ZNF462: variants seen among roughly 807,000 people sequenced by gnomAD.
ZNF462 encodes zinc finger protein 462, also known as zinc finger PBX1-interacting protein.
ZNF462 carries 10 observed loss-of-function variants against 201.9 expected under a neutral mutation model. The observed-to-expected ratio is 0.05, with a 90% CI of 0.03 to 0.08. ZNF462 has a LOEUF of 0.08. Among genes scored for constraint, ZNF462 ranks in the 10% least tolerant of loss-of-function variants. ZNF462 has a pLI of 1.00. For missense variants in ZNF462, 2,523 were observed against 3,168.3 expected, an observed-to-expected ratio of 0.80 and a Z score of 4.89; for synonymous variants, 1,227 against 1,193.3, an observed-to-expected ratio of 1.03 and a Z score of -0.58.
Position 106,892,919 on chromosome 9 carries a change from ACAGT to A in ZNF462, c.-31+29568_-31+29571del, listed in dbSNP as rs1828651525. 5.9e-5 allele frequency among the ~76,000 whole-genome samples: 9 copies of A among 152,270 alleles called. 1 individual carries two copies. The South Asian group carries it at 1.9e-3, about 32-fold the overall frequency. The stretch of plus-strand genomic sequence containing the variant: ...TTTGCCTCATCCCATTCCTGCTCTC[ACAGT>A]CAGAGGTCTGGATCTCCAGTTACTG... On this transcript the variant is annotated intron_variant, in intron 1 of 12. Transcript: ENST00000277225.
Position 106,927,469 on chromosome 9 carries a change from C to T in ZNF462, c.3557C>T (p.Pro1186Leu), listed in dbSNP as rs1183934189. The change falls in exon 3 of 13, where the codon CCT (proline) becomes CTT (leucine). Residue 1186 changes from proline to leucine, a missense_variant. Around this residue, in one of 15 missense-constraint regions of ZNF462, gnomAD observed 222 missense variants for 271.6 expected, o/e 0.82. Transcript: ENST00000277225. Reference protein sequence around the residue: ...LNRSSSERDGPPVENEMFFCQ... With the variant: ...LNRSSSERDGLPVENEMFFCQ... ...CGAAGCAGCTCTGAGAGAGATGGCC[C>T]TCCTGTGGAGAATGAGATGTTCTTT... is the stretch of plus-strand genomic sequence containing the variant. The T allele has an allele frequency of 5.6e-6, 9 of 1,614,000 alleles. No homozygotes were observed. Among genetic ancestry groups the T allele is most frequent in the South Asian group, 2.2e-5 (2 of 91,044 alleles).
upstream of ZNF462, chr9:106,863,147 G>C: frequency 2.5e-6 from 1 of 399,012 alleles, no homozygotes; most frequent in Non-Finnish European, 4.4e-6. Context: ...GGATATCTCA[G>C]GTCATCTGCA....
chr9:106,860,970 C>A (rs553844648), upstream of ZNF462, among the ~76,000 whole-genome samples: 7 of 152,096 alleles, frequency 4.6e-5, no homozygotes, highest in African/African-American at 1.7e-4. The surrounding 1 kb of genome is among the most constrained non-coding windows in gnomAD (Gnocchi z 7.1). Context: ...GACTCCCGTT[C>A]CCCTTTCGCC....
In ZNF462 at chr9:106,883,317, C is replaced by A. The variant is rs1020901384; in HGVS notation, c.-31+19962C>A. 6.6e-6 allele frequency among the ~76,000 whole-genome samples: 1 copy of A among 152,196 alleles called. No homozygotes were observed. The highest frequency in any genetic ancestry group is 2.4e-5 in the African/African-American group (1 of 41,440). ...TTCTAATATAAAGTATGTGTTAAAG[C>A]AAGACTAGGATAATAGCGGGAAAGT... On this transcript the variant is annotated intron_variant, in intron 1 of 12. Coordinates refer to ENST00000277225, the MANE Select transcript of ZNF462 (RefSeq NM_021224.6). The surrounding 1 kb of genome is among the most constrained non-coding windows in gnomAD (Gnocchi z 4.9).
At position 106,933,454 on chromosome 9, in the gene ZNF462, CTTCAA is replaced by C. The variant is rs771510343; in HGVS notation, c.6116+911_6116+915del. Among the ~76,000 whole-genome samples, 5 of 152,108 alleles carry C rather than the reference CTTCAA, an allele frequency of 3.3e-5. No individual in the cohort carries two copies. The highest frequency in any genetic ancestry group is 9.7e-5 in the African/African-American group (4 of 41,420). The stretch of plus-strand genomic sequence containing the variant: ...ATACATTGGCATAAAACTTGAAATA[CTTCAA>C]TTCAAGAAGTATTTATTGAACAGCA... On this transcript the variant is annotated intron_variant, in intron 5 of 12. Transcript: ENST00000277225. The surrounding 1 kb of genome is among the most constrained non-coding windows in gnomAD (Gnocchi z 4.3).
Position 107,006,211 on chromosome 9 carries a change from A to G in ZNF462, c.7189+2785A>G, listed in dbSNP as rs1829531137. ...TTGTAAAGATTAAATGAGATAACACAGAAGACCTTCACCCAGTTCCTAGAA... is the reference window on the plus strand; with the variant it reads ...TTGTAAAGATTAAATGAGATAACACGGAAGACCTTCACCCAGTTCCTAGAA... On this transcript the variant is annotated intron_variant, in intron 11 of 12. Transcript: ENST00000277225. The surrounding 1 kb of genome is among the most constrained non-coding windows in gnomAD (Gnocchi z 4.3). Among the ~76,000 whole-genome samples the G allele has an allele frequency of 1.3e-5, 2 of 152,226 alleles. No individual in the cohort carries two copies. Among genetic ancestry groups the G allele is most frequent in the Non-Finnish European group, 2.9e-5 (2 of 68,032 alleles).
At chr9:106,912,917 A>G (rs1829610379) in intron 1 of ZNF462, among the ~76,000 whole-genome samples, 1 of 152,222 alleles carries the variant, frequency 6.6e-6, no homozygotes, top group African/African-American at 2.4e-5. Context: ...AAATGTTTAT[A>G]CAGTTTTGAG....
rs1199137274 is a variant in ZNF462 at position 106,895,087 on chromosome 9, ACC to A, written c.-30-28265_-30-28264del. On this transcript the variant is annotated intron_variant, in intron 1 of 12. Coordinates refer to ENST00000277225, the MANE Select transcript of ZNF462 (RefSeq NM_021224.6). This position sits in a 1 kb window ranked among gnomAD's most constrained non-coding sequence, Gnocchi z 4.4. ...ATAGGTTGATGCACTGCTTCTGAGT[ACC>A]CTTTGTTTAAACTATTCCAACCTAA... Among the ~76,000 whole-genome samples the A allele has an allele frequency of 2.6e-5, 4 of 152,190 alleles. No individual in the cohort carries two copies. Among genetic ancestry groups the A allele is most frequent in the Admixed American group, 2.6e-4 (4 of 15,280 alleles).
intron 1 of ZNF462, among the ~76,000 whole-genome samples, chr9:106,894,251 T>C (rs543559497): frequency 3.7e-4 from 56 of 152,332 alleles, no homozygotes; most frequent in Non-Finnish European, 6.8e-4. Context: ...ACAACCCTTG[T>C]TGGCTGAAGG....
At position 106,928,008 on chromosome 9, in the gene ZNF462, G is replaced by T. The variant is rs755539787; in HGVS notation, c.4096G>T (p.Ala1366Ser). The stretch of plus-strand genomic sequence containing the variant: ...TCCCTCTCTCACAATGCCAGCCGAA[G>T]CCAAAACCTACAGATGCAGGGACTG... ...SPPSLTMPAE[A>S]KTYRCRDCVF... Residue 1366 changes from alanine to serine, a missense_variant, in exon 3 of 13, where the codon GCC becomes TCC. This residue lies in a region of ZNF462 where 165 missense variants were observed against 142.6 expected (regional missense o/e 1.16). Coordinates refer to ENST00000277225, the MANE Select transcript of ZNF462 (RefSeq NM_021224.6). This position sits in a 1 kb window ranked among gnomAD's most constrained non-coding sequence, Gnocchi z 9.3. 1 of 1,614,176 alleles carries T rather than the reference G, an allele frequency of 6.2e-7. No individual in the cohort carries two copies. Among genetic ancestry groups the T allele is most frequent in the Non-Finnish European group, 8.5e-7 (1 of 1,180,028 alleles).
intron 1 of ZNF462, among the ~76,000 whole-genome samples, chr9:106,874,742 A>G (rs1203965042): frequency 6.6e-6 from 1 of 152,178 alleles, no homozygotes; most frequent in African/African-American, 2.4e-5. Flanking sequence ...TTTGCCTCCA[A>G]TTAGCAATTT....
intron 7 of ZNF462, among the ~76,000 whole-genome samples, chr9:106,961,474 T>G (rs187149699): frequency 5.8e-4 from 88 of 152,204 alleles, no homozygotes; most frequent in African/African-American, 2.0e-3. Flanking sequence ...GAGTAGCATT[T>G]GGTCAGTTGC....
intron 7 of ZNF462, among the ~76,000 whole-genome samples, chr9:106,960,241 G>T (rs1000594012): frequency 6.6e-6 from 1 of 151,864 alleles, no homozygotes; most frequent in Non-Finnish European, 1.5e-5. Context: ...CTTGATTATC[G>T]AATCTTTTAA....
intron 10 of ZNF462, among the ~76,000 whole-genome samples, chr9:107,001,770 G>A (rs1829202552): frequency 6.6e-6 from 1 of 152,052 alleles, no homozygotes; most frequent in East Asian, 1.9e-4. Context: ...AGAAAAACAA[G>A]AAGTTGCCTT....
At chr9:106,874,296 C>T (rs1827729646) in intron 1 of ZNF462, among the ~76,000 whole-genome samples, 1 of 152,162 alleles carries the variant, frequency 6.6e-6, no homozygotes, top group South Asian at 2.1e-4. Flanking sequence ...CTAGGATAAT[C>T]CCTCAGAGAG....
At chr9:106,960,342 C>G (rs926436031) in intron 7 of ZNF462, among the ~76,000 whole-genome samples, 1 of 152,142 alleles carries the variant, frequency 6.6e-6, no homozygotes. Flanking sequence ...CAGTAGGCAT[C>G]TTCCCTCCAG....
chr9:106,869,806 T>C (rs539981395), intron 1 of ZNF462, among the ~76,000 whole-genome samples: 7 of 152,362 alleles, frequency 4.6e-5, no homozygotes, highest in African/African-American at 1.4e-4. Context: ...TAATTGTAAG[T>C]TGAACTGTCT....
chr9:106,939,179 T>A (rs1830760125), intron 7 of ZNF462, 72 bp downstream of exon 7: 1 of 1,372,742 alleles, frequency 7.3e-7, no homozygotes, highest in Admixed American at 2.6e-5. Context: ...GCCAATCATT[T>A]TTTTTAGAGG....
In ZNF462 at chr9:106,930,161, C is replaced by A. The variant is rs1423763920; in HGVS notation, c.5848-364C>A. 6.6e-6 allele frequency among the ~76,000 whole-genome samples: 1 copy of A among 152,170 alleles called. No individual in the cohort carries two copies. The highest frequency in any genetic ancestry group is 1.5e-5 in the Non-Finnish European group (1 of 68,034). On this transcript the variant is annotated intron_variant, in intron 3 of 12. Coordinates refer to ENST00000277225, the MANE Select transcript of ZNF462 (RefSeq NM_021224.6). This position sits in a 1 kb window ranked among gnomAD's most constrained non-coding sequence, Gnocchi z 5.8. Reference sequence around the variant, plus strand: ...TTCAGTGTTTGCTACATGAACCTAACGTCTCCAGGAGTAGATTTTATTTTA... The same window carrying A: ...TTCAGTGTTTGCTACATGAACCTAAAGTCTCCAGGAGTAGATTTTATTTTA...
Sources: allele counts gnomAD v4.1 joint callset (sites outside exome capture counted in the v4.1 genomes callset), GRCh38; gene constraint gnomAD v4.1.1; regional missense constraint gnomAD v4.1.1; non-coding constraint Gnocchi (gnomAD v3.1); transcripts MANE v1.5; gene names NCBI Gene and HGNC (gene_info 2026-07-23, HGNC 2026-07-21).